The following NEGR1 variants were observed in gnomAD, a reference collection of about 807,000 sequenced individuals.
NEGR1 encodes neuronal growth regulator 1.
In NEGR1, 10 loss-of-function variants were observed where a neutral mutation model predicts 40.9. The ratio of observed to expected loss-of-function variants is 0.24; its 90% confidence interval spans 0.15 to 0.42. The LOEUF (loss-of-function observed/expected upper bound fraction) is 0.42, where lower values mean the gene tolerates loss of function less well. NEGR1 is among the 10% of genes least tolerant of loss of function. The pLI is 1.00. For missense variants in NEGR1, 352 were observed against 438.9 expected (o/e 0.80, Z 1.77); for synonymous variants, 185 against 166.8 (o/e 1.11, Z -0.84).
At chr1:71,866,243 G>A (rs974461324) in intron 2 of NEGR1, among the ~76,000 whole-genome samples, 2 of 151,968 alleles carry the variant, frequency 1.3e-5, no homozygotes, top group African/African-American at 4.8e-5. Context: ...TTACAACTAA[G>A]AAACACAAGA....
intron 1 of NEGR1, among the ~76,000 whole-genome samples, chr1:72,196,762 T>TAA (rs540342065): frequency 6.7e-4 from 92 of 136,716 alleles, no homozygotes; most frequent in African/African-American, 1.2e-3. Context: ...GAGACTCCAT[T>TAA]AAAAAAAAAA....
At chr1:72,160,698 C>T (rs1651525436) in intron 1 of NEGR1, among the ~76,000 whole-genome samples, 1 of 152,074 alleles carries the variant, frequency 6.6e-6, no homozygotes, top group African/African-American at 2.4e-5. Flanking sequence ...GAAAGATCAT[C>T]AGTAAGGCTT....
intron 6 of NEGR1, among the ~76,000 whole-genome samples, chr1:71,499,826 A>G (rs890124591): frequency 1.3e-5 from 2 of 152,024 alleles, no homozygotes; most frequent in Non-Finnish European, 2.9e-5. Context: ...TCTGTACCAC[A>G]TTTTATTGAA....
intron 6 of NEGR1, among the ~76,000 whole-genome samples, chr1:71,569,583 T>A (rs1648746124): frequency 6.6e-6 from 1 of 152,100 alleles, no homozygotes; most frequent in African/African-American, 2.4e-5. Flanking sequence ...GCGTTTAAAG[T>A]TTTAAAGTTT....
At chr1:71,715,867 C>T (rs1020956184) in intron 3 of NEGR1, among the ~76,000 whole-genome samples, 1 of 152,108 alleles carries the variant, frequency 6.6e-6, no homozygotes, top group Non-Finnish European at 1.5e-5. Context: ...TTTGAACCCT[C>T]CAAACTGTTC....
chr1:71,789,113 C>A (rs945164594), intron 2 of NEGR1, among the ~76,000 whole-genome samples: 7 of 152,010 alleles, frequency 4.6e-5, no homozygotes, highest in African/African-American at 1.7e-4. Context: ...TGTTCCAGGT[C>A]GAGTTATACA....
rs1654081717 is a variant in NEGR1 at position 72,223,619 on chromosome 1, A to G, written c.176+58700T>C. 2.0e-5 allele frequency among the ~76,000 whole-genome samples: 3 copies of G among 152,130 alleles called. No homozygotes were observed. The South Asian group carries it at 6.2e-4, about 32-fold the overall frequency. On this transcript the variant is annotated intron_variant, in intron 1 of 6. Coordinates refer to ENST00000357731, the MANE Select transcript of NEGR1 (RefSeq NM_173808.3). ...CCTTATAAATGCAAAAAGTTGAAAT[A>G]AAATTACTCTATACAAGTTATAACA...
chr1:71,659,753 A>C (rs1420852568), intron 4 of NEGR1, among the ~76,000 whole-genome samples: 1 of 152,200 alleles, frequency 6.6e-6, no homozygotes, highest in Non-Finnish European at 1.5e-5. Flanking sequence ...CATTAGAGAA[A>C]GGCAAATCAA....
intron 1 of NEGR1, among the ~76,000 whole-genome samples, chr1:72,148,943 C>T (rs560075255): frequency 4.6e-5 from 7 of 152,288 alleles, no homozygotes; most frequent in African/African-American, 1.7e-4. Flanking sequence ...GTTCCAGCCT[C>T]TGCCTGTTAT....
At chr1:71,981,821 C>A (rs189764916) in intron 1 of NEGR1, among the ~76,000 whole-genome samples, 314 of 151,926 alleles carry the variant, frequency 2.1e-3, no homozygotes, top group African/African-American at 7.4e-3. Flanking sequence ...AGGCTTCATG[C>A]ATAACAGTGA....
chr1:71,585,244 A>G (rs1649264619), intron 6 of NEGR1, among the ~76,000 whole-genome samples: 1 of 152,148 alleles, frequency 6.6e-6, no homozygotes, highest in African/African-American at 2.4e-5. Flanking sequence ...ATCAATACAT[A>G]CTATCTTTTA....
intron 4 of NEGR1, among the ~76,000 whole-genome samples, chr1:71,675,632 C>T (rs1652603164): frequency 6.6e-6 from 1 of 151,932 alleles, no homozygotes; most frequent in African/African-American, 2.4e-5. Flanking sequence ...TGAGTTTGAA[C>T]TTGGATTGTA....
intron 1 of NEGR1, among the ~76,000 whole-genome samples, chr1:72,089,506 C>G (rs1480044612): frequency 1.3e-5 from 2 of 151,986 alleles, no homozygotes; most frequent in Non-Finnish European, 2.9e-5. Context: ...TAAAGTAACA[C>G]CAATATTATA....
Position 71,550,615 on chromosome 1 carries a change from T to G in NEGR1, c.940+42202A>C, listed in dbSNP as rs111863294. Among the ~76,000 whole-genome samples the G allele has an allele frequency of 1.5e-3, 234 of 151,688 alleles. 1 individual carries two copies. The highest frequency in any genetic ancestry group is 5.4e-3 in the African/African-American group (222 of 41,472). ...TCATACTTTCTTCCATATACTACCT[T>G]GTAGCCATGGTCAGCCCCTGCACTA... is the stretch of plus-strand genomic sequence containing the variant. On this transcript the variant is annotated intron_variant, in intron 6 of 6. Coordinates refer to ENST00000357731, the MANE Select transcript of NEGR1 (RefSeq NM_173808.3).
At chr1:71,565,599 G>T (rs6668345) in intron 6 of NEGR1, among the ~76,000 whole-genome samples, 1 of 151,920 alleles carries the variant, frequency 6.6e-6, no homozygotes, top group South Asian at 2.1e-4. Flanking sequence ...CCTGCAGAGA[G>T]TGCCAGCTGA....
At chr1:71,926,633 T>C (rs1645776525) in intron 2 of NEGR1, among the ~76,000 whole-genome samples, 1 of 129,752 alleles carries the variant, frequency 7.7e-6, no homozygotes, top group Non-Finnish European at 1.6e-5. Flanking sequence ...CGACAATGTG[T>C]GGTGGCTATC....
intron 6 of NEGR1, among the ~76,000 whole-genome samples, chr1:71,534,223 G>T (rs1467072803): frequency 6.6e-6 from 1 of 151,610 alleles, no homozygotes; most frequent in African/African-American, 2.4e-5. Context: ...CTCTGAAAAG[G>T]CAGTGGCAAT....
intron 1 of NEGR1, among the ~76,000 whole-genome samples, chr1:72,163,975 A>T (rs1320526006): frequency 6.6e-6 from 1 of 152,004 alleles, no homozygotes; most frequent in African/African-American, 2.4e-5. Flanking sequence ...GAATACAGGA[A>T]GTATAAACTA....
intron 6 of NEGR1, among the ~76,000 whole-genome samples, chr1:71,526,360 T>C (rs1471387076): frequency 6.6e-6 from 1 of 151,604 alleles, no homozygotes; most frequent in Non-Finnish European, 1.5e-5. Context: ...TCACTCTCAT[T>C]CTTACCTTTC....
Sources: gnomAD v4.1 joint callset for allele counts (sites outside exome capture counted in the v4.1 genomes callset) on GRCh38, gnomAD v4.1.1 for gene constraint, MANE v1.5 for transcripts, NCBI Gene and HGNC (gene_info 2026-07-23, HGNC 2026-07-21) for gene names.